Variants in ERC2 observed in about 807,000 individuals in gnomAD.
The protein encoded by ERC2 is ERC protein 2.
A neutral mutation model predicts 114.8 loss-of-function variants in ERC2; 42 were observed. That is an observed-to-expected ratio of 0.37 (90% CI 0.29 to 0.47). ERC2 has a LOEUF of 0.47. ERC2 is among the 20% of genes least tolerant of loss of function. The pLI, the probability that ERC2 is intolerant of heterozygous loss-of-function variation, is 0.99. For missense variants in ERC2, 939 were observed against 1,150.7 expected, an observed-to-expected ratio of 0.82 and a Z score of 2.66; for synonymous variants, 454 against 425.5, an observed-to-expected ratio of 1.07 and a Z score of -0.82.
At chr3:55,522,664 C>T (rs1366857934) in intron 17 of ERC2, among the ~76,000 whole-genome samples, 1 of 152,168 alleles carries the variant, frequency 6.6e-6, no homozygotes, top group African/African-American at 2.4e-5. Flanking sequence ...ATTTAAATCC[C>T]ATGCCAAAGC....
intron 7 of ERC2, among the ~76,000 whole-genome samples, chr3:56,069,564 A>G (rs2076632605): frequency 6.6e-6 from 1 of 152,162 alleles, no homozygotes; most frequent in Admixed American, 6.5e-5. Context: ...GGAAAAATTC[A>G]CTTCCAAATC....
intron 14 of ERC2, among the ~76,000 whole-genome samples, chr3:55,868,464 G>A (rs1018570232): frequency 5.9e-5 from 9 of 152,266 alleles, no homozygotes; most frequent in Middle Eastern, 3.4e-3. Flanking sequence ...AGGAGACAAG[G>A]GCATAATTCA....
In ERC2 at chr3:55,640,913, C is replaced by T. The variant is rs149236154; in HGVS notation, c.*39+42881G>A. Among the ~76,000 whole-genome samples, 375 of 152,270 alleles carry T rather than the reference C, an allele frequency of 2.5e-3. 2 individuals are homozygous for T. The highest frequency in any genetic ancestry group is 8.6e-3 in the African/African-American group (359 of 41,540). The stretch of plus-strand genomic sequence containing the variant: ...ATTCTCAGACTGTGGGGAGCGAACA[C>T]GACATAGGACTAGTCAATTAAAATA... On this transcript the variant is annotated intron_variant, in intron 17 of 17. Transcript: ENST00000288221.
chr3:56,444,160 A>T (rs2062454090), intron 1 of ERC2, among the ~76,000 whole-genome samples: 1 of 146,324 alleles, frequency 6.8e-6, no homozygotes, highest in Non-Finnish European at 1.5e-5. Flanking sequence ...TTTAGTAGAG[A>T]CGGGGTTTCA....
chr3:55,606,942 C>A (rs1315583490), intron 17 of ERC2: 1 of 152,408 alleles, frequency 6.6e-6, no homozygotes, highest in Non-Finnish European at 1.5e-5. Context: ...GCTGTGCCTA[C>A]GTGCCTCCGA....
chr3:56,382,470 T>C (rs1160313675), intron 2 of ERC2, among the ~76,000 whole-genome samples: 2 of 152,124 alleles, frequency 1.3e-5, no homozygotes, highest in African/African-American at 4.8e-5. Flanking sequence ...CCCCCCACCA[T>C]TTCCCCAAAA....
chr3:56,407,740 A>G (rs1268861455), intron 2 of ERC2, among the ~76,000 whole-genome samples: 2 of 152,174 alleles, frequency 1.3e-5, no homozygotes, highest in African/African-American at 4.8e-5. Flanking sequence ...TGCCCAGAAC[A>G]GGTCCTAGCA....
At chr3:56,227,653 A>T (rs1300519936) in intron 3 of ERC2, among the ~76,000 whole-genome samples, 1 of 152,128 alleles carries the variant, frequency 6.6e-6, no homozygotes, top group African/African-American at 2.4e-5. Flanking sequence ...GACTGACAGC[A>T]CCATGAGCTG....
rs1455363180 is a variant in ERC2, at chr3:56,292,820, C to A, written c.1074+3199G>T. Among the ~76,000 whole-genome samples, 12 of 152,280 alleles carry A rather than the reference C, an allele frequency of 7.9e-5. No individual in the cohort carries two copies. In the East Asian group the frequency reaches 2.3e-3, roughly 29 times the overall value. ...ACAGTCTTCTGAGATCCTCACATGG[C>A]TGGTCCTTTTGGTTATGCAGGTCTC... On this transcript the variant is annotated intron_variant, in intron 3 of 17. Coordinates refer to ENST00000288221, the MANE Select transcript of ERC2 (RefSeq NM_015576.3).
chr3:55,758,222 G>A (rs1220705330), intron 14 of ERC2, among the ~76,000 whole-genome samples: 1 of 152,192 alleles, frequency 6.6e-6, no homozygotes, highest in Non-Finnish European at 1.5e-5. Flanking sequence ...TGTGCAAAAA[G>A]CTGTATCTAC....
chr3:55,549,970 G>A (rs1362007907), intron 17 of ERC2, among the ~76,000 whole-genome samples: 1 of 142,572 alleles, frequency 7.0e-6, no homozygotes, highest in Non-Finnish European at 1.6e-5. Context: ...CAGAGAGAGA[G>A]AGAGAGGGGA....
At chr3:55,736,699 G>C (rs1235486639) in intron 14 of ERC2, among the ~76,000 whole-genome samples, 1 of 152,008 alleles carries the variant, frequency 6.6e-6, no homozygotes, top group African/African-American at 2.4e-5. Flanking sequence ...ACTTTTTACA[G>C]ACTTTTAAAG....
chr3:55,986,099 C>T (rs2070607879), intron 11 of ERC2, 111 bp from the exon 12 acceptor site: 2 of 1,013,008 alleles, frequency 2.0e-6, no homozygotes, highest in African/African-American at 1.6e-5. Flanking sequence ...ATATAGCCAA[C>T]AGATGTTATA....
intron 2 of ERC2, among the ~76,000 whole-genome samples, chr3:56,415,914 T>C (rs2061133421): frequency 6.6e-6 from 1 of 152,204 alleles, no homozygotes; most frequent in Non-Finnish European, 1.5e-5. Flanking sequence ...CCCCATGCCC[T>C]CATCAAATCG....
At chr3:56,313,137 A>G (rs1243824554) in intron 2 of ERC2, among the ~76,000 whole-genome samples, 1 of 148,750 alleles carries the variant, frequency 6.7e-6, no homozygotes, top group Non-Finnish European at 1.5e-5. Context: ...ATATGAATGG[A>G]CAAAAAAAAA....
At chr3:56,281,914 G>A (rs2054374044) in intron 3 of ERC2, among the ~76,000 whole-genome samples, 1 of 152,190 alleles carries the variant, frequency 6.6e-6, no homozygotes, top group Non-Finnish European at 1.5e-5. Context: ...GTTTGATCCT[G>A]AGGAGAGAAG....
chr3:55,758,559 C>T (rs1331766755), intron 14 of ERC2, among the ~76,000 whole-genome samples: 1 of 152,224 alleles, frequency 6.6e-6, no homozygotes, highest in Non-Finnish European at 1.5e-5. Flanking sequence ...CTAACTTTTA[C>T]AGATGCCTGT....
At chr3:56,220,409 G>C (rs1482216435) in intron 3 of ERC2, among the ~76,000 whole-genome samples, 3 of 152,160 alleles carry the variant, frequency 2.0e-5, no homozygotes, top group Non-Finnish European at 4.4e-5. Context: ...CTACAATCAG[G>C]GTTTCGGTTG....
chr3:55,820,467 CTCATAAACTTAGTTATAATAT>C (rs2060080767), intron 14 of ERC2, among the ~76,000 whole-genome samples: 1 of 152,228 alleles, frequency 6.6e-6, no homozygotes, highest in Admixed American at 6.5e-5. Flanking sequence ...CTCACGTGAG[CTCATAAACTTAGTTATAATAT>C]TCAAAATTTT....
Sources: allele counts gnomAD v4.1 joint callset (sites outside exome capture counted in the v4.1 genomes callset), GRCh38; gene constraint gnomAD v4.1.1; transcripts MANE v1.5; gene names NCBI Gene and HGNC (gene_info 2026-07-23, HGNC 2026-07-21).